FAP: variants seen among roughly 807,000 people sequenced by gnomAD.
The protein encoded by FAP is fibroblast activation protein alpha.
A neutral mutation model predicts 126.5 loss-of-function variants in FAP; 110 were observed. The observed-to-expected ratio is 0.87, with a 90% CI of 0.74 to 1.02. FAP has a LOEUF of 1.02. Among genes scored for constraint, FAP ranks in the 50% least tolerant of loss-of-function variants. The probability of loss-of-function intolerance (pLI) is 0.00; values close to 1 mark genes in which losing one functional copy is unlikely to be tolerated. For missense variants in FAP, 919 were observed against 909.2 expected (o/e 1.01, Z -0.14); for synonymous variants, 334 against 297.3 (o/e 1.12, Z -1.27).
At chr2:162,211,547 C>G (rs1001488358) in intron 11 of FAP, among the ~76,000 whole-genome samples, 25 of 152,064 alleles carry the variant, frequency 1.6e-4, no homozygotes, top group Non-Finnish European at 3.4e-4. Flanking sequence ...AGAGGGTGTA[C>G]TGTCATAAAA....
chr2:162,202,852 G>A lies in FAP; in HGVS notation c.1223+20C>T, dbSNP rs377725881. The A allele has an allele frequency of 2.3e-5, 37 of 1,594,300 alleles. No individual in the cohort carries two copies. The highest frequency in any genetic ancestry group is 2.9e-5 in the Non-Finnish European group (34 of 1,162,296). ...CCAATTAAAACCTGAATGGTGCATC[G>A]TGCTTCGTGCAATACTTACAGTGAA... On this transcript the variant is annotated intron_variant, in intron 14 of 25. Transcript: ENST00000188790.
rs142723706 is a variant in FAP, at chr2:162,186,585, C to T, written c.1814+1584G>A. On this transcript the variant is annotated intron_variant, in intron 20 of 25. Transcript: ENST00000188790. ...TGTTACTGGTGGGTTGCGATGATGA[C>T]GATGATGAAGACAATGATTTTTTAA... is the stretch of plus-strand genomic sequence containing the variant. Among the ~76,000 whole-genome samples the T allele has an allele frequency of 1.1e-3, 170 of 152,020 alleles. 1 individual carries two copies. The highest frequency in any genetic ancestry group is 3.5e-3 in the African/African-American group (145 of 41,478).
chr2:162,211,086 A>G (rs747327867), intron 11 of FAP, among the ~76,000 whole-genome samples: 1 of 152,120 alleles, frequency 6.6e-6, no homozygotes, highest in Non-Finnish European at 1.5e-5. Flanking sequence ...GTTATTTGAT[A>G]AGTTCTAGTC....
At chr2:162,237,670 A>G (rs944967661) in intron 2 of FAP, among the ~76,000 whole-genome samples, 6 of 152,200 alleles carry the variant, frequency 3.9e-5, no homozygotes, top group African/African-American at 1.4e-4. Flanking sequence ...ATACATGTGC[A>G]TGTGTCTTTT....
chr2:162,209,945 A>T lies in FAP; in HGVS notation c.1047+7T>A. On this transcript the variant is annotated splice_region_variant and intron_variant, in intron 12 of 25. Coordinates refer to ENST00000188790, the MANE Select transcript of FAP (RefSeq NM_004460.5). ...TAAAACATAAGAAAAAGATAGCAAA[A>T]TCATACTCCACCAGCCCATCCAGTT... 6.2e-7 allele frequency: 1 copy of T among 1,612,132 alleles called. No individual in the cohort carries two copies. Among genetic ancestry groups the T allele is most frequent in the Non-Finnish European group, 8.5e-7 (1 of 1,178,844 alleles).
chr2:162,238,055 T>C (rs778162827), intron 2 of FAP, among the ~76,000 whole-genome samples: 28 of 152,004 alleles, frequency 1.8e-4, no homozygotes, highest in Non-Finnish European at 3.1e-4. Context: ...GTTTTTTTTT[T>C]CTTGTAAATT....
At chr2:162,229,252 G>T (rs1217010391) in intron 2 of FAP, among the ~76,000 whole-genome samples, 1 of 151,932 alleles carries the variant, frequency 6.6e-6, no homozygotes, top group Non-Finnish European at 1.5e-5. Context: ...AAAACATCTA[G>T]CTCTATGTGT....
At chr2:162,185,150 T>C (rs949611261) in intron 20 of FAP, among the ~76,000 whole-genome samples, 7 of 152,202 alleles carry the variant, frequency 4.6e-5, no homozygotes, top group African/African-American at 1.7e-4. Context: ...AATGTGGTTA[T>C]ATCAACAAAA....
At chr2:162,198,950 T>C (rs1292813016) in intron 15 of FAP, 69 bp from the exon 16 acceptor site, 7 of 1,378,028 alleles carry the variant, frequency 5.1e-6, no homozygotes, top group South Asian at 3.7e-5. Flanking sequence ...TACTACTCCA[T>C]GTAAAGTGAC....
At chr2:162,228,845 G>A (rs1304058256) in intron 2 of FAP, among the ~76,000 whole-genome samples, 2 of 152,076 alleles carry the variant, frequency 1.3e-5, no homozygotes, top group African/African-American at 4.8e-5. Context: ...TTTCCTAAGA[G>A]CAAGTTGCAA....
Position 162,218,071 on chromosome 2 carries a change from A to T in FAP, c.677T>A (p.Phe226Tyr). Residue 226 changes from phenylalanine to tyrosine, a missense_variant, in exon 9 of 26, where the codon TTT becomes TAT. Phe to Tyr is a conservative substitution (Grantham distance 22). Coordinates refer to ENST00000188790, the MANE Select transcript of FAP (RefSeq NM_004460.5). ...PNGKFLAYAE[F>Y]NDTDIPVIAY... is the part of the protein sequence containing the mutation. ...AATAACTGGTATATCCGTATCATTA[A>T]ATTCCGCATATGCCAAAAATTTTCC... The T allele has an allele frequency of 6.2e-7, 1 of 1,608,764 alleles. No homozygotes were observed. Among genetic ancestry groups the T allele is most frequent in the East Asian group, 2.2e-5 (1 of 44,550 alleles).
At chr2:162,172,277 T>C (rs1397003925) in intron 25 of FAP, 1 of 152,208 alleles carries the variant, frequency 6.6e-6, no homozygotes, top group East Asian at 1.9e-4. Flanking sequence ...GGATTTTACA[T>C]TTAGCTAATT....
At chr2:162,225,667 T>C (rs1689615019) in intron 3 of FAP, 90 bp from the exon 4 acceptor site, 1 of 1,337,408 alleles carries the variant, frequency 7.5e-7, no homozygotes. Flanking sequence ...TTCACAGACC[T>C]ACTTTGTTTT....
chr2:162,233,164 C>T (rs1327907063), intron 2 of FAP, among the ~76,000 whole-genome samples: 1 of 152,078 alleles, frequency 6.6e-6, no homozygotes, highest in East Asian at 1.9e-4. Flanking sequence ...CTCACAAGCA[C>T]TTCAAAATCA....
chr2:162,189,701 G>A lies in FAP; in HGVS notation c.1504C>T (p.Gln502Ter). Residue 502 changes from glutamine (Q) to a stop codon, truncating the protein, a stop_gained, in exon 18 of 26, where the codon CAG becomes TAG. Coordinates refer to ENST00000188790, the MANE Select transcript of FAP (RefSeq NM_004460.5). LOFTEE classifies it high-confidence loss of function. The stretch of plus-strand genomic sequence containing the variant: ...TTCTTAATTTCCTCTTTAGGCAGCT[G>A]GATATTTTTCAAAGCATTTTCCAAT... ...KELENALKNI[Q>*]LPKEEIKKLE... 1 of 1,592,208 alleles carries A rather than the reference G, an allele frequency of 6.3e-7. No homozygotes were observed. Among genetic ancestry groups the A allele is most frequent in the Non-Finnish European group, 8.6e-7 (1 of 1,167,242 alleles).
intron 20 of FAP, among the ~76,000 whole-genome samples, chr2:162,183,887 CATT>C (rs564188487): frequency 5.4e-4 from 82 of 152,252 alleles, no homozygotes; most frequent in African/African-American, 1.9e-3. Flanking sequence ...TTTCTTATCA[CATT>C]GTTGTTAATG....
At position 162,173,751 on chromosome 2, in the gene FAP, G is replaced by C. The variant is rs189580168; in HGVS notation, c.2006C>G (p.Thr669Arg). The C allele has an allele frequency of 1.2e-5, 19 of 1,605,288 alleles. No individual in the cohort carries two copies. The highest frequency in any genetic ancestry group is 1.6e-5 in the Non-Finnish European group (19 of 1,172,196). ...VYTERFMGLP[T>R]KDDNLEHYKN... ...ATAGTGCTCAAGATTATCATCCTTT[G>C]TTGGGAGACCCATGAATCTCTCTGT... The change falls in exon 23 of 26, where the codon ACA becomes AGA. Residue 669 changes from threonine to arginine, a missense_variant. Physicochemically the swap from Thr to Arg is moderately conservative, Grantham distance 71. Coordinates refer to ENST00000188790, the MANE Select transcript of FAP (RefSeq NM_004460.5).
chr2:162,232,021 T>C (rs950653930), intron 2 of FAP, among the ~76,000 whole-genome samples: 1 of 152,074 alleles, frequency 6.6e-6, no homozygotes. Context: ...GGAGGTATCA[T>C]CTCCAATTAT....
At chr2:162,204,665 C>T (rs896473254) in intron 12 of FAP, among the ~76,000 whole-genome samples, 5 of 152,122 alleles carry the variant, frequency 3.3e-5, no homozygotes, top group Non-Finnish European at 5.9e-5. Context: ...ATAGGGAGCA[C>T]GACTCTGCTG....
Sources: allele counts gnomAD v4.1 joint callset (sites outside exome capture counted in the v4.1 genomes callset), GRCh38; gene constraint gnomAD v4.1.1; transcripts MANE v1.5; gene names NCBI Gene and HGNC (gene_info 2026-07-23, HGNC 2026-07-21).